The following DCUN1D1 variants were observed in gnomAD, a reference collection of about 807,000 sequenced individuals.
The protein encoded by DCUN1D1 is DCN1-like protein 1.
A neutral mutation model predicts 39.0 loss-of-function variants in DCUN1D1; 3 were observed. The ratio of observed to expected loss-of-function variants is 0.08; its 90% CI spans 0.04 to 0.20. The LOEUF is 0.20. DCUN1D1 is among the 10% of genes least tolerant of loss of function. The pLI is 1.00. For missense variants in DCUN1D1, 158 were observed against 302.4 expected (o/e 0.52, Z 3.54); for synonymous variants, 82 against 96.3 (o/e 0.85, Z 0.87).
chr3:182,963,343 C>A (rs1426746674), intron 3 of DCUN1D1, among the ~76,000 whole-genome samples: 2 of 152,142 alleles, frequency 1.3e-5, no homozygotes, highest in Non-Finnish European at 2.9e-5. Context: ...ACAGAAAGGG[C>A]AGCTTGTTAC....
chr3:182,969,420 G>T (rs1254334145), intron 1 of DCUN1D1, among the ~76,000 whole-genome samples: 4 of 152,212 alleles, frequency 2.6e-5, no homozygotes, highest in African/African-American at 7.2e-5. Context: ...GGATGAGAGG[G>T]TGGATAGAAA....
intron 4 of DCUN1D1, among the ~76,000 whole-genome samples, chr3:182,953,578 A>C (rs1362523415): frequency 6.6e-6 from 1 of 152,210 alleles, no homozygotes; most frequent in Admixed American, 6.5e-5. Flanking sequence ...CTAAGGACTA[A>C]ATGAGTTAAT....
chr3:182,941,463 A>G lies in DCUN1D1; in HGVS notation c.*3631T>C, dbSNP rs1461565526. 1 of 152,126 alleles carries G rather than the reference A, an allele frequency of 6.6e-6. No individual in the cohort carries two copies. The highest frequency in any genetic ancestry group is 2.4e-5 in the African/African-American group (1 of 41,446). The allele number at this position is 152,126 out of a possible 1,614,324, so 9.4% of individuals were successfully genotyped here. ...TCAGAAATATACTCATTTATAATCA[A>G]TTAAATGATGAGTCATAATTTGAAC... On this transcript the variant is annotated 3_prime_UTR_variant, in exon 7 of 7. Transcript: ENST00000292782.
intron 4 of DCUN1D1, among the ~76,000 whole-genome samples, chr3:182,953,703 CA>C (rs2108633617): frequency 6.6e-6 from 1 of 152,168 alleles, no homozygotes; most frequent in South Asian, 2.1e-4. Context: ...GAAAAGACAA[CA>C]AAGTCAGTGA....
intron 4 of DCUN1D1, among the ~76,000 whole-genome samples, chr3:182,951,731 T>G (rs1480257990): frequency 6.8e-6 from 1 of 147,904 alleles, no homozygotes; most frequent in African/African-American, 2.5e-5. Context: ...AGTTTCACTC[T>G]TGTTGCCCAG....
At chr3:182,982,191 C>A (rs573220582), upstream of DCUN1D1, among the ~76,000 whole-genome samples, 1 of 152,242 alleles carries the variant, frequency 6.6e-6, no homozygotes, top group African/African-American at 2.4e-5. Context: ...CTTGAATTTC[C>A]TGTTCATTTT....
At chr3:182,959,057 A>G (rs1218759612) in intron 4 of DCUN1D1, among the ~76,000 whole-genome samples, 1 of 152,202 alleles carries the variant, frequency 6.6e-6, no homozygotes, top group Non-Finnish European at 1.5e-5. Context: ...ATGTAAATTC[A>G]AAGACTTTAA....
intron 1 of DCUN1D1, among the ~76,000 whole-genome samples, chr3:182,979,600 T>TTCCCC (rs58326496): frequency 1.4e-4 from 19 of 137,100 alleles, no homozygotes; most frequent in South Asian, 4.7e-4. Flanking sequence ...GAGGACTTTT[T>TTCCCC]CCCCCCCCCA....
At chr3:182,955,060 G>A (rs1330652896) in intron 4 of DCUN1D1, among the ~76,000 whole-genome samples, 1 of 147,984 alleles carries the variant, frequency 6.8e-6, no homozygotes, top group Non-Finnish European at 1.5e-5. Flanking sequence ...TTTTTTTTGA[G>A]ACTGAGCCTC....
At chr3:182,954,843 G>A (rs1577169552) in intron 4 of DCUN1D1, among the ~76,000 whole-genome samples, 2 of 152,064 alleles carry the variant, frequency 1.3e-5, no homozygotes, top group Admixed American at 1.3e-4. Context: ...TTTTACATGA[G>A]GTGGTTCCTT....
At chr3:182,945,294 TC>T (rs1560158834) in intron 6 of DCUN1D1, 121 bp from the exon 7 acceptor site, 2 of 733,660 alleles carry the variant, frequency 2.7e-6, no homozygotes, top group Non-Finnish European at 4.3e-6. Flanking sequence ...ATCATTCTTA[TC>T]TATTCCCACT....
intron 6 of DCUN1D1, among the ~76,000 whole-genome samples, chr3:182,946,194 T>C (rs978224074): frequency 1.3e-5 from 2 of 152,144 alleles, no homozygotes; most frequent in African/African-American, 4.8e-5. Context: ...TATGAAGAAA[T>C]AGCAGAAAAG....
At chr3:182,967,328 C>A (rs1224479183) in intron 1 of DCUN1D1, among the ~76,000 whole-genome samples, 1 of 151,872 alleles carries the variant, frequency 6.6e-6, no homozygotes, top group African/African-American at 2.4e-5. Flanking sequence ...AGAAATGAGA[C>A]AAGAACAAAG....
Position 182,963,931 on chromosome 3 carries a change from T to G in DCUN1D1, c.339A>C (p.Thr113=). Residue 113 remains threonine, a synonymous_variant, in exon 3 of 7, where the codon ACA becomes ACC. Coordinates refer to ENST00000292782, the MANE Select transcript of DCUN1D1 (RefSeq NM_020640.4). ...LIIAWKFRAA[T]QCEFSKQEFM... is the part of the protein sequence containing the mutation. ...ACTCCTGTTTGGAGAACTCGCACTG[T>G]GTTGCTGCTCTGAACTTCCACGCAA... 2 of 1,613,994 alleles carry G rather than the reference T, an allele frequency of 1.2e-6. No homozygotes were observed. Among genetic ancestry groups the G allele is most frequent in the Non-Finnish European group, 1.7e-6 (2 of 1,179,878 alleles).
chr3:182,974,103 T>A (rs1239368746), intron 1 of DCUN1D1, among the ~76,000 whole-genome samples: 1 of 151,586 alleles, frequency 6.6e-6, no homozygotes, highest in Non-Finnish European at 1.5e-5. Flanking sequence ...AATACAAAAA[T>A]TAGCCGGGCA....
intron 1 of DCUN1D1, among the ~76,000 whole-genome samples, chr3:182,968,151 T>A (rs1176639964): frequency 6.6e-6 from 1 of 152,142 alleles, no homozygotes; most frequent in African/African-American, 2.4e-5. Flanking sequence ...TCAAGCAATC[T>A]ACCTGCCTCA....
At chr3:182,957,147 G>A (rs1426918766) in intron 4 of DCUN1D1, among the ~76,000 whole-genome samples, 3 of 152,208 alleles carry the variant, frequency 2.0e-5, no homozygotes, top group Non-Finnish European at 4.4e-5. Context: ...AGGAAGAACT[G>A]TGTAATAACA....
intron 3 of DCUN1D1, among the ~76,000 whole-genome samples, chr3:182,962,366 T>C (rs936837390): frequency 1.3e-5 from 2 of 152,214 alleles, no homozygotes; most frequent in Admixed American, 1.3e-4. Flanking sequence ...GCTGGCTCTG[T>C]GTTAGGTTCT....
At chr3:182,959,976 T>C (rs1325868468) in intron 4 of DCUN1D1, among the ~76,000 whole-genome samples, 1 of 152,184 alleles carries the variant, frequency 6.6e-6, no homozygotes, top group Non-Finnish European at 1.5e-5. Context: ...ACTTCCCCTT[T>C]GACCTTGTCT....
Sources: allele counts gnomAD v4.1 joint callset (sites outside exome capture counted in the v4.1 genomes callset), GRCh38; gene constraint gnomAD v4.1.1; transcripts MANE v1.5; gene names NCBI Gene and HGNC (gene_info 2026-07-23, HGNC 2026-07-21).